Variants in MACROH2A1 observed in about 807,000 individuals in gnomAD.
MACROH2A1 encodes the protein core histone macro-H2A.1.
MACROH2A1 carries 2 observed loss-of-function variants against 31.6 expected under a neutral mutation model. The observed-to-expected ratio is 0.06, with a 90% confidence interval of 0.03 to 0.20. The LOEUF (loss-of-function observed/expected upper bound fraction) is 0.20, where lower values mean the gene tolerates loss of function less well. Ranked by LOEUF, MACROH2A1 falls within the 10% of genes least tolerant of loss-of-function variation. MACROH2A1 has a pLI of 1.00. For synonymous variants in MACROH2A1, 169 were observed against 189.6 expected (o/e 0.89, Z 0.89); for missense variants, 230 against 474.0 (o/e 0.49, Z 4.78).
chr5:135,338,040 TG>T (rs767837548), intron 8 of MACROH2A1: 1 of 1,139,820 alleles, frequency 8.8e-7, no homozygotes, highest in South Asian at 1.8e-5. Flanking sequence ...CGTTTTCTGG[TG>T]GGCCTCAAAA....
intron 2 of MACROH2A1, among the ~76,000 whole-genome samples, chr5:135,375,988 C>T (rs751467303): frequency 4.6e-5 from 7 of 152,138 alleles, no homozygotes; most frequent in Admixed American, 1.3e-4. Context: ...TGTTTGCAGC[C>T]GCATCCCAGA....
At chr5:135,357,685 A>C (rs1416026206) in intron 5 of MACROH2A1, 1 of 975,684 alleles carries the variant, frequency 1.0e-6, no homozygotes, top group Non-Finnish European at 1.2e-6. Flanking sequence ...AAGGCTGCAA[A>C]TCTTGGCTGA....
chr5:135,399,420 C>G (rs1768553439), upstream of MACROH2A1: 1 of 152,482 alleles, frequency 6.6e-6, no homozygotes, highest in African/African-American at 2.4e-5. This position sits in a 1 kb window ranked among gnomAD's most constrained non-coding sequence, Gnocchi z 4.5. Flanking sequence ...GACGCGAGGT[C>G]TGACCCATGA....
At chr5:135,370,198 C>G in intron 2 of MACROH2A1, 56 bp from the exon 3 acceptor site, 1 of 1,076,430 alleles carries the variant, frequency 9.3e-7, no homozygotes, top group Non-Finnish European at 1.4e-6. Flanking sequence ...TGTCCCCGCC[C>G]CGGTCCCCAC....
At chr5:135,345,855 G>T in intron 7 of MACROH2A1, 113 bp downstream of exon 7, 1 of 721,108 alleles carries the variant, frequency 1.4e-6, no homozygotes, top group Non-Finnish European at 2.5e-6. Flanking sequence ...CCTCCATCTT[G>T]AAGATGCGGC....
Position 135,369,601 on chromosome 5 carries a change from C to A in MACROH2A1, c.282G>T (p.Leu94=). 1 of 1,612,798 alleles carries A rather than the reference C, an allele frequency of 6.2e-7. No individual in the cohort carries two copies. The highest frequency in any genetic ancestry group is 8.5e-7 in the Non-Finnish European group (1 of 1,179,106). ...AVANDEELNQ[L]LKGVTIASGG... Reference sequence around the variant, plus strand: ...CACTGGCTATGGTGACTCCTTTTAGCAGCTTTCAGGAAAACCAGAATAGCA... The same window carrying A: ...CACTGGCTATGGTGACTCCTTTTAGAAGCTTTCAGGAAAACCAGAATAGCA... Residue 94 remains leucine, a splice_region_variant and synonymous_variant, in exon 4 of 9, where the codon CTG becomes CTT. Coordinates refer to ENST00000511689, the MANE Select transcript of MACROH2A1 (RefSeq NM_138610.3). The surrounding 1 kb of genome is among the most constrained non-coding windows in gnomAD (Gnocchi z 4.3).
intron 2 of MACROH2A1, among the ~76,000 whole-genome samples, chr5:135,371,385 G>A (rs1156583924): frequency 6.6e-6 from 1 of 152,232 alleles, no homozygotes; most frequent in Non-Finnish European, 1.5e-5. Flanking sequence ...GATGAAATCA[G>A]TGTATTCTTG....
chr5:135,334,975 C>T lies in MACROH2A1; in HGVS notation c.*1G>A. The T allele has an allele frequency of 3.1e-6, 5 of 1,613,244 alleles. No homozygotes were observed. Among genetic ancestry groups the T allele is most frequent in the Non-Finnish European group, 4.2e-6 (5 of 1,179,374 alleles). ...TGCAGCTGGTTCTGTCATTGCTCAG[C>T]CTAGTTGGCGTCCAGCTTGGCCATT... On this transcript the variant is annotated 3_prime_UTR_variant, in exon 9 of 9. Transcript: ENST00000511689.
chr5:135,357,503 G>A (rs1221266215), intron 5 of MACROH2A1: 1 of 153,298 alleles, frequency 6.5e-6, no homozygotes, highest in Non-Finnish European at 1.4e-5. Flanking sequence ...TGATCATTTG[G>A]GAGGTAAGGA....
chr5:135,397,775 G>A (rs933686011), intron 1 of MACROH2A1, among the ~76,000 whole-genome samples: 1 of 152,188 alleles, frequency 6.6e-6, no homozygotes, highest in Non-Finnish European at 1.5e-5. Flanking sequence ...TCTGACAACA[G>A]GCTAGTAGCC....
At position 135,360,506 on chromosome 5, in the gene MACROH2A1, A is replaced by C; in HGVS notation, c.579T>G (p.Leu193=). 1 of 1,609,950 alleles carries C rather than the reference A, an allele frequency of 6.2e-7. No individual in the cohort carries two copies. Among genetic ancestry groups the C allele is most frequent in the Admixed American group, 1.7e-5 (1 of 60,008 alleles). ...FTVLSTKSLF[L]GQKLNLIHSE... ...CCGCGCATCTGCCTACCTTCTGGCC[A>C]AGGAAGAGGCTCTTGGTGGAGAGGA... Residue 193 remains leucine (L), a synonymous_variant, in exon 5 of 9, where the codon CTT becomes CTG. Transcript: ENST00000511689.
intron 6 of MACROH2A1, among the ~76,000 whole-genome samples, chr5:135,347,815 A>G (rs1280357169): frequency 6.6e-6 from 1 of 152,182 alleles, no homozygotes; most frequent in Non-Finnish European, 1.5e-5. Flanking sequence ...TCTTAAACCC[A>G]TTCTCCAGCT....
chr5:135,345,952 G>A lies in MACROH2A1; in HGVS notation c.778+16C>T. ...TGTGTCACAACCAGATAAGCACGGTGGCTTTCCCACCTCACCTCCAGCTAC... is the reference window on the plus strand; with the variant it reads ...TGTGTCACAACCAGATAAGCACGGTAGCTTTCCCACCTCACCTCCAGCTAC... On this transcript the variant is annotated intron_variant, in intron 7 of 8. Transcript: ENST00000511689. 1 of 1,563,536 alleles carries A rather than the reference G, an allele frequency of 6.4e-7. No homozygotes were observed. The highest frequency in any genetic ancestry group is 8.8e-7 in the Non-Finnish European group (1 of 1,133,878).
intron 2 of MACROH2A1, among the ~76,000 whole-genome samples, chr5:135,378,365 T>C: frequency 6.6e-6 from 1 of 152,292 alleles, no homozygotes; most frequent in East Asian, 1.9e-4. Flanking sequence ...ACCTCCTGCC[T>C]GTGCGCTCTA....
rs141086163 is a variant in MACROH2A1, at chr5:135,384,906, C to G, written c.172+4016G>C. Among the ~76,000 whole-genome samples the G allele has an allele frequency of 3.9e-5, 6 of 152,344 alleles. No homozygotes were observed. In the East Asian group the frequency reaches 1.2e-3, roughly 29 times the overall value. On this transcript the variant is annotated intron_variant, in intron 2 of 8. Coordinates refer to ENST00000511689, the MANE Select transcript of MACROH2A1 (RefSeq NM_138610.3). The stretch of plus-strand genomic sequence containing the variant: ...CAACTCTGGCACCAATGCCCATACT[C>G]TAAACCACCCAGCTCTAGAACACAG...
In MACROH2A1 at chr5:135,393,938, C is replaced by T. The variant is rs535026336; in HGVS notation, c.-33-4812G>A. On this transcript the variant is annotated intron_variant, in intron 1 of 8. Transcript: ENST00000511689. ...CTGGATGGAGAGATGAGTCAGGCTA[C>T]AGTGAGAAGCAACAGAGTCTGACCA... 9.8e-5 allele frequency among the ~76,000 whole-genome samples: 15 copies of T among 152,312 alleles called. No individual in the cohort carries two copies. In the South Asian group the frequency reaches 3.1e-3, roughly 32 times the overall value.
chr5:135,351,650 A>C (rs1377819249), intron 6 of MACROH2A1: 1 of 137,338 alleles, frequency 7.3e-6, no homozygotes, highest in African/African-American at 2.8e-5. Flanking sequence ...GCAGCTTCGA[A>C]CTCCTGGGCT....
At chr5:135,360,648 A>G (rs1446665890) in intron 4 of MACROH2A1, 41 bp from the exon 5 acceptor site, 3 of 1,378,198 alleles carry the variant, frequency 2.2e-6, no homozygotes, top group Admixed American at 1.7e-5. Flanking sequence ...CCACACAGAC[A>G]CAGGCATCCT....
chr5:135,388,713 G>A (rs950669998), intron 2 of MACROH2A1, among the ~76,000 whole-genome samples: 1 of 152,184 alleles, frequency 6.6e-6, no homozygotes, highest in Non-Finnish European at 1.5e-5. Flanking sequence ...ATGCCTGCAT[G>A]CACACACACA....
Sources: allele counts gnomAD v4.1 joint callset (sites outside exome capture counted in the v4.1 genomes callset), GRCh38; gene constraint gnomAD v4.1.1; non-coding constraint Gnocchi (gnomAD v3.1); transcripts MANE v1.5; gene names NCBI Gene and HGNC (gene_info 2026-07-23, HGNC 2026-07-21).